The following DTWD2 variants were observed in gnomAD, a reference collection of about 807,000 sequenced individuals.
DTWD2 encodes tRNA-uridine aminocarboxypropyltransferase 2.
Under a neutral mutation model 31.8 loss-of-function variants are expected in DTWD2, and 39 were observed. The observed-to-expected ratio is 1.22, with a 90% CI of 0.95 to 1.60. DTWD2 has a LOEUF of 1.60. DTWD2 is among the 40% of genes most tolerant of loss of function. The pLI, the probability that DTWD2 is intolerant of heterozygous loss-of-function variation, is 0.00. For missense variants in DTWD2, 515 were observed against 381.5 expected (o/e 1.35, Z -2.92); for synonymous variants, 180 against 142.8 (o/e 1.26, Z -1.86).
intron 4 of DTWD2, among the ~76,000 whole-genome samples, chr5:118,871,470 T>A (rs1326118919): frequency 6.6e-6 from 1 of 152,208 alleles, no homozygotes; most frequent in South Asian, 2.1e-4. Context: ...ATTTCTTAAA[T>A]TATAAGACTT....
intron 4 of DTWD2, among the ~76,000 whole-genome samples, chr5:118,909,856 T>C (rs1193800243): frequency 6.6e-6 from 1 of 152,200 alleles, no homozygotes; most frequent in Non-Finnish European, 1.5e-5. Flanking sequence ...TAGCACTCCA[T>C]GCCACTAGAC....
chr5:118,924,670 ATAAAG>A (rs1299844607), intron 4 of DTWD2, among the ~76,000 whole-genome samples: 1 of 152,260 alleles, frequency 6.6e-6, no homozygotes, highest in Non-Finnish European at 1.5e-5. Flanking sequence ...TTAGTGTTAC[ATAAAG>A]TAGTTTAGAA....
intron 4 of DTWD2, among the ~76,000 whole-genome samples, chr5:118,872,297 T>C (rs889076439): frequency 4.6e-5 from 7 of 152,258 alleles, no homozygotes; most frequent in African/African-American, 7.2e-5. Context: ...TTTCCTTCAA[T>C]AAATTTTCTT....
chr5:118,945,764 C>CAA (rs748130109), intron 1 of DTWD2, among the ~76,000 whole-genome samples: 1 of 57,728 alleles, frequency 1.7e-5, no homozygotes, highest in Admixed American at 1.9e-4. Context: ...GACTCCAACT[C>CAA]AAAAAAAAAA....
chr5:118,968,638 C>T (rs115083276), intron 1 of DTWD2, among the ~76,000 whole-genome samples: 3 of 152,190 alleles, frequency 2.0e-5, no homozygotes, highest in Non-Finnish European at 4.4e-5. Flanking sequence ...GAGATCCCCC[C>T]CTGAGCCCAC....
rs1016998691 is a variant in DTWD2, at chr5:118,840,607, T to C, written c.*310A>G. The stretch of plus-strand genomic sequence containing the variant: ...TTCCAATCCACTACAACAATTTTCT[T>C]CTATTTTACAAGTAAGAACTTCTAA... On this transcript the variant is annotated 3_prime_UTR_variant, in exon 6 of 6. Coordinates refer to ENST00000510708, the MANE Select transcript of DTWD2 (RefSeq NM_173666.4). The C allele has an allele frequency of 2.6e-5, 5 of 189,250 alleles. No homozygotes were observed. Among genetic ancestry groups the C allele is most frequent in the African/African-American group, 1.2e-4 (5 of 42,076 alleles). The allele number at this position is 189,250 out of a possible 1,614,324, so 11.7% of individuals were successfully genotyped here.
intron 4 of DTWD2, among the ~76,000 whole-genome samples, chr5:118,871,560 T>C (rs1752505322): frequency 6.6e-6 from 1 of 152,248 alleles, no homozygotes; most frequent in Non-Finnish European, 1.5e-5. Flanking sequence ...TGAATCTCCT[T>C]TATACATCTT....
chr5:118,939,127 C>T (rs1459889371), intron 3 of DTWD2, 69 bp downstream of exon 3: 1 of 1,442,020 alleles, frequency 6.9e-7, no homozygotes, highest in Non-Finnish European at 9.3e-7. Context: ...AAGAAATAAG[C>T]TGAAAGAAAC....
chr5:118,859,021 C>T (rs1056422677), intron 4 of DTWD2, among the ~76,000 whole-genome samples: 1 of 152,062 alleles, frequency 6.6e-6, no homozygotes, highest in Admixed American at 6.6e-5. Flanking sequence ...TTTAGTGGTG[C>T]TAAAATTCAT....
chr5:118,873,131 T>A (rs1461667919), intron 4 of DTWD2, among the ~76,000 whole-genome samples: 1 of 152,210 alleles, frequency 6.6e-6, no homozygotes, highest in Non-Finnish European at 1.5e-5. Flanking sequence ...TTGATCACCA[T>A]GGACACTGAG....
At chr5:118,965,741 T>A (rs895836854) in intron 1 of DTWD2, among the ~76,000 whole-genome samples, 2 of 152,006 alleles carry the variant, frequency 1.3e-5, no homozygotes, top group African/African-American at 2.4e-5. Context: ...GAAGGCAGCA[T>A]GCTCGTTAAG....
In DTWD2 at chr5:118,960,435, T is replaced by C. The variant is rs539613885; in HGVS notation, c.219-15786A>G. Reference sequence around the variant, plus strand: ...AAAATGTCAAAAAAACAAGAGATGCTGGCAAGACTGCAGATAAAAGGGAAT... The same window carrying C: ...AAAATGTCAAAAAAACAAGAGATGCCGGCAAGACTGCAGATAAAAGGGAAT... On this transcript the variant is annotated intron_variant, in intron 1 of 5. Transcript: ENST00000510708. Among the ~76,000 whole-genome samples the C allele has an allele frequency of 2.6e-5, 4 of 152,270 alleles. No homozygotes were observed. The East Asian group carries it at 7.7e-4, about 29-fold the overall frequency.
At chr5:118,853,227 GTTTT>G (rs1365317563) in intron 4 of DTWD2, among the ~76,000 whole-genome samples, 2 of 152,030 alleles carry the variant, frequency 1.3e-5, no homozygotes, top group Non-Finnish European at 1.5e-5. Context: ...AGTTGAAATT[GTTTT>G]TTTAAGTTAA....
intron 4 of DTWD2, among the ~76,000 whole-genome samples, chr5:118,896,982 C>T (rs1380349413): frequency 6.6e-6 from 1 of 152,178 alleles, no homozygotes; most frequent in African/African-American, 2.4e-5. Flanking sequence ...CATGACTAAA[C>T]TCTTAACAAA....
chr5:118,969,247 A>T (rs1346773115), intron 1 of DTWD2, among the ~76,000 whole-genome samples: 1 of 152,114 alleles, frequency 6.6e-6, no homozygotes, highest in Non-Finnish European at 1.5e-5. Context: ...TAGCCTTTCC[A>T]GCCTGCTGGC....
intron 1 of DTWD2, among the ~76,000 whole-genome samples, chr5:118,961,257 C>G (rs1754700154): frequency 6.6e-6 from 1 of 152,154 alleles, no homozygotes; most frequent in Non-Finnish European, 1.5e-5. Flanking sequence ...ATAATCATCT[C>G]ACGTTCAGTT....
chr5:118,865,364 T>C (rs932934932), intron 4 of DTWD2, among the ~76,000 whole-genome samples: 10 of 152,066 alleles, frequency 6.6e-5, no homozygotes, highest in Admixed American at 5.9e-4. Flanking sequence ...GACTCATGAG[T>C]ATAAATAAGT....
intron 2 of DTWD2, among the ~76,000 whole-genome samples, chr5:118,942,238 A>G (rs527754442): frequency 1.3e-5 from 2 of 152,316 alleles, no homozygotes; most frequent in East Asian, 3.9e-4. Context: ...GGCTGGACAC[A>G]GTGGTTCACG....
chr5:118,974,170 A>C, intron 1 of DTWD2: 1 of 1,480,502 alleles, frequency 6.8e-7, no homozygotes, highest in Non-Finnish European at 9.2e-7. Flanking sequence ...GGCCGCCTTG[A>C]CCTATTCACC....
Sources: gnomAD v4.1 joint callset for allele counts (sites outside exome capture counted in the v4.1 genomes callset) on GRCh38, gnomAD v4.1.1 for gene constraint, MANE v1.5 for transcripts, NCBI Gene and HGNC (gene_info 2026-07-23, HGNC 2026-07-21) for gene names.